Variants in OR10J1 observed in about 807,000 individuals in gnomAD.
The protein encoded by OR10J1 is olfactory receptor family 10 subfamily J member 1.
For synonymous variants in OR10J1, 202 were observed against 143.8 expected (o/e 1.40, Z -2.89); for missense variants, 474 against 376.6 (o/e 1.26, Z -2.14).
chr1:159,406,186 T>G, the OR10J1 span: 1 of 512,638 alleles, frequency 2.0e-6, no homozygotes, highest in Non-Finnish European at 4.0e-6. Flanking sequence ...CAGGAAGAAG[T>G]ACATGGGGGT....
At chr1:159,415,682 T>C in the OR10J1 span, among the ~76,000 whole-genome samples, 3 of 152,028 alleles carry the variant, frequency 2.0e-5, no homozygotes, top group Non-Finnish European at 2.9e-5. Flanking sequence ...TTTAATGATA[T>C]GAATATGGTA....
the OR10J1 span, among the ~76,000 whole-genome samples, chr1:159,427,366 GT>G: frequency 5.9e-5 from 9 of 151,670 alleles, no homozygotes; most frequent in African/African-American, 2.2e-4. Context: ...TATTTTTTAA[GT>G]TTGGATAGTT....
At chr1:159,433,793 G>A (rs894778217), upstream of OR10J1, among the ~76,000 whole-genome samples, 3 of 152,152 alleles carry the variant, frequency 2.0e-5, no homozygotes, top group Admixed American at 6.5e-5. Context: ...TGTCTATGGG[G>A]CAATTATTCA....
chr1:159,439,293 G>A (rs1042012459), upstream of OR10J1, among the ~76,000 whole-genome samples: 6 of 152,292 alleles, frequency 3.9e-5, no homozygotes, highest in East Asian at 1.9e-4. Context: ...TGCATAATTT[G>A]GAGCTAGTGA....
At position 159,439,759 on chromosome 1, in the gene OR10J1, A is replaced by T. The variant is rs1188416831; in HGVS notation, c.-33A>T. 2.5e-6 allele frequency: 4 copies of T among 1,612,664 alleles called. No homozygotes were observed. The highest frequency in any genetic ancestry group is 2.7e-5 in the African/African-American group (2 of 74,816). ...GCTTTACTGGGACTATGTGACTTTT[A>T]TGCTTTTATGTTTCAGATTTGGGAA... is the stretch of plus-strand genomic sequence containing the variant. On this transcript the variant is annotated 5_prime_UTR_variant, in exon 1 of 1. It removes an upstream start codon present in the reference 5' UTR. Transcript: ENST00000423932.
the OR10J1 span, chr1:159,405,895 A>G: frequency 1.7e-6 from 1 of 597,274 alleles, no homozygotes; most frequent in East Asian, 3.4e-5. Context: ...CATAGATGTT[A>G]CTTGGACAAT....
upstream of OR10J1, among the ~76,000 whole-genome samples, chr1:159,434,011 C>T (rs183141341): frequency 5.3e-5 from 8 of 152,104 alleles, no homozygotes; most frequent in Admixed American, 2.6e-4. Context: ...GCTGTTTGTC[C>T]CTCTTTGTGA....
the OR10J1 span, among the ~76,000 whole-genome samples, chr1:159,429,471 T>A: frequency 3.3e-5 from 5 of 152,182 alleles, no homozygotes; most frequent in East Asian, 7.7e-4. Context: ...CATAATGCGA[T>A]CATGAGGCAT....
At chr1:159,420,867 C>T in the OR10J1 span, among the ~76,000 whole-genome samples, 1 of 152,008 alleles carries the variant, frequency 6.6e-6, no homozygotes, top group Non-Finnish European at 1.5e-5. Flanking sequence ...TTGAGTACAA[C>T]GTGCCATGGA....
At chr1:159,412,404 G>A in the OR10J1 span, among the ~76,000 whole-genome samples, 4 of 151,068 alleles carry the variant, frequency 2.6e-5, no homozygotes, top group African/African-American at 9.8e-5. Context: ...AAAGAACAAA[G>A]CTGGAGGCAT....
the OR10J1 span, among the ~76,000 whole-genome samples, chr1:159,423,343 C>T: frequency 1.3e-5 from 2 of 152,178 alleles, no homozygotes; most frequent in African/African-American, 4.8e-5. Context: ...GGGCCTCTTA[C>T]ATTTCTGTAC....
At chr1:159,422,603 A>G in the OR10J1 span, among the ~76,000 whole-genome samples, 1 of 152,116 alleles carries the variant, frequency 6.6e-6, no homozygotes, top group East Asian at 1.9e-4. Context: ...GAAGCTGTTA[A>G]GCCCTAGGGC....
At chr1:159,434,738 C>T (rs570348968), upstream of OR10J1, among the ~76,000 whole-genome samples, 7 of 152,150 alleles carry the variant, frequency 4.6e-5, no homozygotes, top group African/African-American at 9.6e-5. Flanking sequence ...GTGAGTCGGA[C>T]AATATCAACT....
the OR10J1 span, among the ~76,000 whole-genome samples, chr1:159,414,282 G>C: frequency 6.6e-6 from 1 of 151,898 alleles, no homozygotes; most frequent in Non-Finnish European, 1.5e-5. Flanking sequence ...CGTGTCTACC[G>C]TTCTGTTCTC....
At chr1:159,408,144 G>A in the OR10J1 span, among the ~76,000 whole-genome samples, 1 of 152,158 alleles carries the variant, frequency 6.6e-6, no homozygotes, top group Admixed American at 6.6e-5. Context: ...GAAGCAGCAT[G>A]AGAATCTCTG....
the OR10J1 span, among the ~76,000 whole-genome samples, chr1:159,407,856 G>A: frequency 2.6e-5 from 4 of 152,180 alleles, no homozygotes; most frequent in African/African-American, 9.6e-5. Flanking sequence ...ATTATTTACT[G>A]AGTGAATAAA....
At chr1:159,422,425 T>C in the OR10J1 span, among the ~76,000 whole-genome samples, 2 of 152,144 alleles carry the variant, frequency 1.3e-5, no homozygotes, top group Non-Finnish European at 2.9e-5. Flanking sequence ...CAGCCTGCAA[T>C]GGAGGCAGCT....
At chr1:159,435,625 G>C (rs368683317), upstream of OR10J1, among the ~76,000 whole-genome samples, 1 of 152,162 alleles carries the variant, frequency 6.6e-6, no homozygotes, top group Non-Finnish European at 1.5e-5. Context: ...TGGTGTGAGA[G>C]TAGATCTAAC....
the OR10J1 span, among the ~76,000 whole-genome samples, chr1:159,411,899 C>T: frequency 6.6e-6 from 1 of 152,016 alleles, no homozygotes; most frequent in Non-Finnish European, 1.5e-5. Flanking sequence ...GTCAAATTGT[C>T]CCTGTTTGCA....
Sources: allele counts gnomAD v4.1 joint callset (sites outside exome capture counted in the v4.1 genomes callset), GRCh38; gene constraint gnomAD v4.1.1; transcripts MANE v1.5; gene names NCBI Gene and HGNC (gene_info 2026-07-23, HGNC 2026-07-21).